The following RALGAPB variants were observed in gnomAD, a reference collection of about 807,000 sequenced individuals.
The protein encoded by RALGAPB is Ral GTPase activating protein non-catalytic subunit beta.
A neutral mutation model predicts 161.1 loss-of-function variants in RALGAPB; 25 were observed. That is an observed-to-expected ratio of 0.16 (90% CI 0.11 to 0.22). The LOEUF (loss-of-function observed/expected upper bound fraction) is 0.22. Ranked by LOEUF, RALGAPB falls within the 10% of genes least tolerant of loss-of-function variation. RALGAPB has a pLI of 1.00. For synonymous variants in RALGAPB, 629 were observed against 626.1 expected (o/e 1.00, Z -0.07); for missense variants, 1,391 against 1,815.2 (o/e 0.77, Z 4.25).
chr20:38,530,740 G>A (rs1016085714), intron 13 of RALGAPB, among the ~76,000 whole-genome samples: 2 of 151,652 alleles, frequency 1.3e-5, no homozygotes, highest in African/African-American at 2.4e-5. Context: ...GAGATTACAG[G>A]CGCACACCAC....
intron 6 of RALGAPB, among the ~76,000 whole-genome samples, chr20:38,514,421 G>C (rs1188433284): frequency 6.6e-6 from 1 of 152,196 alleles, no homozygotes; most frequent in Non-Finnish European, 1.5e-5. Flanking sequence ...CCTTTGCTTA[G>C]TTTCTCCAAA....
At chr20:38,507,371 G>A (rs550512098) in intron 5 of RALGAPB, among the ~76,000 whole-genome samples, 87 of 151,978 alleles carry the variant, frequency 5.7e-4, no homozygotes, top group Middle Eastern at 3.4e-3. Context: ...TGTTATTGTT[G>A]TTGTTATTTT....
chr20:38,522,744 G>A (rs1019955907), intron 10 of RALGAPB, among the ~76,000 whole-genome samples: 5 of 152,182 alleles, frequency 3.3e-5, no homozygotes, highest in South Asian at 2.1e-4. Context: ...CATAACTATC[G>A]GCGCTTGGTT....
At chr20:38,518,618 C>T (rs2086202112) in intron 9 of RALGAPB, among the ~76,000 whole-genome samples, 1 of 151,668 alleles carries the variant, frequency 6.6e-6, no homozygotes, top group South Asian at 2.1e-4. Context: ...TTTTTTTTGT[C>T]ATCTTAACTA....
intron 10 of RALGAPB, among the ~76,000 whole-genome samples, chr20:38,522,519 T>C (rs1257434092): frequency 3.9e-5 from 6 of 152,216 alleles, no homozygotes; most frequent in Non-Finnish European, 7.3e-5. Context: ...TAACTCATAA[T>C]GGCCTCCCGT....
At chr20:38,574,423 G>C in intron 29 of RALGAPB, 125 bp downstream of exon 29, 1 of 1,127,410 alleles carries the variant, frequency 8.9e-7, no homozygotes, top group Non-Finnish European at 1.2e-6. Flanking sequence ...GAAATGGTAT[G>C]GCTCTTGTTA....
intron 1 of RALGAPB, among the ~76,000 whole-genome samples, chr20:38,473,999 A>G (rs1053038886): frequency 1.3e-5 from 2 of 152,226 alleles, no homozygotes; most frequent in African/African-American, 4.8e-5. Context: ...TTCCACCCGC[A>G]GAGATCTTTA....
chr20:38,553,542 A>C (rs977820299), intron 21 of RALGAPB, among the ~76,000 whole-genome samples: 1 of 152,136 alleles, frequency 6.6e-6, no homozygotes, highest in African/African-American at 2.4e-5. Flanking sequence ...TTAACCTTGG[A>C]CCATGTTTGC....
At chr20:38,520,132 A>T (rs1453029118) in intron 9 of RALGAPB, 1 of 273,716 alleles carries the variant, frequency 3.7e-6, no homozygotes, top group Non-Finnish European at 5.6e-6. Flanking sequence ...TTAACTTTTA[A>T]AAAGCTAAAA....
In RALGAPB at chr20:38,497,409, A is replaced by G. The variant is rs1047968563; in HGVS notation, c.446A>G (p.Gln149Arg). Reference sequence around the variant, plus strand: ...TGCTTACAGGTCCTGAGAGCCATTCAGAAACTGGCCCGTGAGTCATCTCTC... The same window carrying G: ...TGCTTACAGGTCCTGAGAGCCATTCGGAAACTGGCCCGTGAGTCATCTCTC... ...RLCLQVLRAI[Q>R]KLARESSLMA... Residue 149 changes from glutamine (Q) to arginine (R), a missense_variant, in exon 4 of 30, where the codon CAG becomes CGG. Gln to Arg is a conservative substitution (Grantham distance 43). Around this residue, in one of 3 missense-constraint regions of RALGAPB, gnomAD observed 946 missense variants for 1,257.2 expected, o/e 0.75. Coordinates refer to ENST00000262879, the MANE Select transcript of RALGAPB (RefSeq NM_020336.4). 1 of 1,614,096 alleles carries G rather than the reference A, an allele frequency of 6.2e-7. No individual in the cohort carries two copies.
At position 38,574,974 on chromosome 20, in the gene RALGAPB, G is replaced by C. The variant is rs2088383768; in HGVS notation, c.*7G>C. On this transcript the variant is annotated 3_prime_UTR_variant, in exon 30 of 30. Transcript: ENST00000262879. ...CAAGAACTGCAGTTCTTAGACCACT[G>C]AATTTCTAAGACTGTTGAACTCCAG... 6.3e-7 allele frequency: 1 copy of C among 1,594,168 alleles called. No individual in the cohort carries two copies. The highest frequency in any genetic ancestry group is 1.7e-5 in the Admixed American group (1 of 59,972).
chr20:38,558,197 A>T, intron 22 of RALGAPB, 98 bp from the exon 23 acceptor site: 2 of 1,069,322 alleles, frequency 1.9e-6, no homozygotes, highest in Non-Finnish European at 1.3e-6. Flanking sequence ...TATATTTTTT[A>T]ATTTTATTTT....
At chr20:38,562,791 A>C in intron 24 of RALGAPB, 94 bp downstream of exon 24, 2 of 1,385,550 alleles carry the variant, frequency 1.4e-6, no homozygotes, top group East Asian at 4.9e-5. Flanking sequence ...GTCTTGTTAA[A>C]AATACAAAAC....
chr20:38,473,309 C>T (rs981840181), intron 1 of RALGAPB, among the ~76,000 whole-genome samples: 1 of 152,142 alleles, frequency 6.6e-6, no homozygotes, highest in African/African-American at 2.4e-5. Context: ...GGGAGCTACC[C>T]CGGCCAGGCG....
chr20:38,492,120 G>A (rs1012850084), intron 2 of RALGAPB, among the ~76,000 whole-genome samples: 5 of 152,162 alleles, frequency 3.3e-5, no homozygotes, highest in Non-Finnish European at 7.3e-5. Flanking sequence ...TTAGACTAAT[G>A]TGCCAAAGTC....
chr20:38,504,714 A>G (rs1428234328), intron 5 of RALGAPB, among the ~76,000 whole-genome samples: 1 of 152,204 alleles, frequency 6.6e-6, no homozygotes, highest in East Asian at 1.9e-4. Flanking sequence ...TCTATAAGGA[A>G]CTTAAAGCAA....
At chr20:38,499,399 G>A (rs1344919620) in intron 4 of RALGAPB, 48 bp from the exon 5 acceptor site, 18 of 1,497,538 alleles carry the variant, frequency 1.2e-5, no homozygotes, top group Non-Finnish European at 1.6e-5. Context: ...TAAAGATTCT[G>A]CTTTAAAAAT....
chr20:38,519,034 C>T (rs529095439), intron 9 of RALGAPB, among the ~76,000 whole-genome samples: 14 of 151,940 alleles, frequency 9.2e-5, no homozygotes, highest in African/African-American at 1.5e-4. Context: ...ACATTATACT[C>T]GTAATTATTT....
chr20:38,563,003 G>T (rs2087842247), intron 24 of RALGAPB, among the ~76,000 whole-genome samples: 2 of 152,214 alleles, frequency 1.3e-5, no homozygotes, highest in East Asian at 1.9e-4. Flanking sequence ...TTGAGGCCAG[G>T]GATTGGAGCT....
Sources: gnomAD v4.1 joint callset for allele counts (sites outside exome capture counted in the v4.1 genomes callset) on GRCh38, gnomAD v4.1.1 for gene constraint, gnomAD v4.1.1 regional missense constraint, MANE v1.5 for transcripts, NCBI Gene and HGNC (gene_info 2026-07-23, HGNC 2026-07-21) for gene names.